The following ITPK1 variants were observed in gnomAD, a reference collection of about 807,000 sequenced individuals.
ITPK1 encodes inositol 1,3,4-trisphosphate 5/6-kinase.
ITPK1 carries 21 observed loss-of-function variants against 45.3 expected under a neutral mutation model. The observed-to-expected ratio is 0.46, with a 90% confidence interval of 0.33 to 0.67. ITPK1 has a LOEUF of 0.67. Among genes scored for constraint, ITPK1 ranks in the 30% least tolerant of loss-of-function variants. ITPK1 has a pLI of 0.02. For synonymous variants in ITPK1, 258 were observed against 253.6 expected (o/e 1.02, Z -0.16); for missense variants, 474 against 573.5 (o/e 0.83, Z 1.77).
At position 92,959,000 on chromosome 14, in the gene ITPK1, G is replaced by C. The variant is rs1884904240; in HGVS notation, c.505-634C>G. ...AGTGAGTGAGCCCGGGATGGAACTGGGTCTGCACAGCACCCAGCCGCGCCC... is the reference window on the plus strand; with the variant it reads ...AGTGAGTGAGCCCGGGATGGAACTGCGTCTGCACAGCACCCAGCCGCGCCC... On this transcript the variant is annotated intron_variant, in intron 7 of 10. Coordinates refer to ENST00000267615, the MANE Select transcript of ITPK1 (RefSeq NM_014216.6). This position sits in a 1 kb window ranked among gnomAD's most constrained non-coding sequence, Gnocchi z 4.4. Among the ~76,000 whole-genome samples the C allele has an allele frequency of 6.6e-6, 1 of 152,144 alleles. No individual in the cohort carries two copies. The highest frequency in any genetic ancestry group is 1.5e-5 in the Non-Finnish European group (1 of 68,028).
intron 2 of ITPK1, among the ~76,000 whole-genome samples, chr14:93,095,366 A>G (rs1892034188): frequency 6.6e-6 from 1 of 152,358 alleles, no homozygotes; most frequent in East Asian, 1.9e-4. Context: ...TATCCTACAG[A>G]CAAAGAAACA....
intron 10 of ITPK1, among the ~76,000 whole-genome samples, chr14:92,943,849 G>A (rs771316761): frequency 2.0e-5 from 3 of 152,208 alleles, no homozygotes; most frequent in African/African-American, 4.8e-5. Context: ...AGACTTAAAC[G>A]TTAGGTGGCT....
intron 5 of ITPK1, among the ~76,000 whole-genome samples, chr14:92,965,265 C>A (rs1350035112): frequency 1.3e-5 from 2 of 152,208 alleles, no homozygotes; most frequent in Admixed American, 1.3e-4. Flanking sequence ...AGGACAAAAA[C>A]CACATGATCA....
rs1887373044 is a variant in ITPK1, at chr14:92,941,243, T to C, written c.*318A>G. 7.5e-7 allele frequency: 1 copy of C among 1,336,448 alleles called. No individual in the cohort carries two copies. The highest frequency in any genetic ancestry group is 9.6e-7 in the Non-Finnish European group (1 of 1,041,602). The allele number at this position is 1,336,448 out of a possible 1,614,324, so 82.8% of individuals were successfully genotyped here. A position where few individuals can be genotyped will look rare whatever the true frequency, so the allele number is the denominator to read the frequency against. On this transcript the variant is annotated 3_prime_UTR_variant, in exon 11 of 11. Transcript: ENST00000267615. ...ACAGGGATGTGCACAGACACTGGCA[T>C]GGCAGCCATACGCACACCCCTCACC... is the stretch of plus-strand genomic sequence containing the variant.
intron 3 of ITPK1, among the ~76,000 whole-genome samples, chr14:93,041,696 G>A (rs190037327): frequency 6.6e-6 from 1 of 152,202 alleles, no homozygotes; most frequent in Non-Finnish European, 1.5e-5. Context: ...CCACCATGAC[G>A]AATGCTCCCT....
chr14:93,102,715 G>T (rs939796578), intron 2 of ITPK1, among the ~76,000 whole-genome samples: 1 of 152,148 alleles, frequency 6.6e-6, no homozygotes, highest in African/African-American at 2.4e-5. Flanking sequence ...CCAACACTTC[G>T]GGAGGCTGAG....
At chr14:92,997,335 T>C (rs1349975368) in intron 4 of ITPK1, among the ~76,000 whole-genome samples, 2 of 152,192 alleles carry the variant, frequency 1.3e-5, no homozygotes, top group Non-Finnish European at 2.9e-5. Context: ...CATTAAGACA[T>C]GAAGTTAAGC....
chr14:92,993,748 G>A, intron 5 of ITPK1, 132 bp downstream of exon 5: 1 of 651,476 alleles, frequency 1.5e-6, no homozygotes, highest in Non-Finnish European at 2.8e-6. Flanking sequence ...CTGCACCATG[G>A]AATTCAAATG....
In ITPK1 at chr14:93,066,430, G is replaced by A. The variant is rs562151709; in HGVS notation, c.120+10165C>T. On this transcript the variant is annotated intron_variant, in intron 3 of 10. Transcript: ENST00000267615. Reference sequence around the variant, plus strand: ...TTCTTTTTTTTTTTTTTTTTGAGACGGAGTCTTGCTCTGTCACAGGCTAGA... The same window carrying A: ...TTCTTTTTTTTTTTTTTTTTGAGACAGAGTCTTGCTCTGTCACAGGCTAGA... 1.1e-4 allele frequency: 39 copies of A among 346,236 alleles called. 1 individual carries two copies. The highest frequency in any genetic ancestry group is 7.3e-4 in the African/African-American group (32 of 43,668). The allele number at this position is 346,236 out of a possible 1,614,324, so 21.4% of individuals were successfully genotyped here. A position where few individuals can be genotyped will look rare whatever the true frequency, so the allele number is the denominator to read the frequency against.
Position 92,938,566 on chromosome 14 carries a change from C to T in ITPK1, c.*2995G>A. ...GAATGTTTTTCCCAGGTTGCTTTCT[C>T]CTTTATTGACAGGCATGAGACACAG... On this transcript the variant is annotated 3_prime_UTR_variant, in exon 11 of 11. Transcript: ENST00000267615. 1.3e-6 allele frequency: 2 copies of T among 1,553,854 alleles called. No individual in the cohort carries two copies. Among genetic ancestry groups the T allele is most frequent in the South Asian group, 1.1e-5 (1 of 89,226 alleles).
At chr14:93,049,993 T>C (rs543730643) in intron 3 of ITPK1, among the ~76,000 whole-genome samples, 1 of 151,984 alleles carries the variant, frequency 6.6e-6, no homozygotes, top group South Asian at 2.1e-4. Flanking sequence ...AGGCCTGCCA[T>C]GGGGGTGGGC....
intron 3 of ITPK1, among the ~76,000 whole-genome samples, chr14:93,064,479 C>G (rs996712073): frequency 2.0e-5 from 3 of 152,082 alleles, no homozygotes; most frequent in Non-Finnish European, 4.4e-5. Context: ...CCCAGGACAC[C>G]TGATCAAAGC....
At chr14:93,098,025 T>A (rs1217018979) in intron 2 of ITPK1, among the ~76,000 whole-genome samples, 1 of 150,864 alleles carries the variant, frequency 6.6e-6, no homozygotes, top group Non-Finnish European at 1.5e-5. Flanking sequence ...AAAAGAAAAT[T>A]AGCCAAGTGT....
At chr14:93,098,488 C>T (rs185251811) in intron 2 of ITPK1, among the ~76,000 whole-genome samples, 11 of 151,684 alleles carry the variant, frequency 7.3e-5, no homozygotes, top group Middle Eastern at 3.4e-3. Context: ...ATTAGCCGGG[C>T]GTGGTGGTGG....
At chr14:93,043,382 T>C (rs1422554823) in intron 3 of ITPK1, among the ~76,000 whole-genome samples, 3 of 152,348 alleles carry the variant, frequency 2.0e-5, no homozygotes, top group South Asian at 2.1e-4. Flanking sequence ...GACAGCACAG[T>C]AGAGACTGCA....
intron 5 of ITPK1, among the ~76,000 whole-genome samples, chr14:92,977,791 C>T (rs111574064): frequency 2.4e-4 from 36 of 151,994 alleles, no homozygotes; most frequent in African/African-American, 8.7e-4. Context: ...AACCGGGAGT[C>T]AACTAAAACT....
rs2139854861 is a variant in ITPK1, at chr14:93,016,162, T to C, written c.246+514A>G. On this transcript the variant is annotated intron_variant, in intron 4 of 10. Coordinates refer to ENST00000267615, the MANE Select transcript of ITPK1 (RefSeq NM_014216.6). The surrounding 1 kb of genome is among the most constrained non-coding windows in gnomAD (Gnocchi z 5.0). The stretch of plus-strand genomic sequence containing the variant: ...CTGGGAGGCCGCTGGGGAAGTGGTG[T>C]GGGGAGAGGGAAGCAGCCAAGGGAC... Among the ~76,000 whole-genome samples the C allele has an allele frequency of 6.6e-6, 1 of 151,942 alleles. No homozygotes were observed. The highest frequency in any genetic ancestry group is 2.1e-4 in the South Asian group (1 of 4,802).
intron 4 of ITPK1, among the ~76,000 whole-genome samples, chr14:93,004,915 T>A (rs1165527302): frequency 3.3e-5 from 5 of 150,014 alleles, no homozygotes; most frequent in Non-Finnish European, 4.4e-5. Flanking sequence ...AGGTCTGGGG[T>A]GAGGGAGTCC....
At chr14:93,011,019 A>G (rs941615103) in intron 4 of ITPK1, among the ~76,000 whole-genome samples, 3 of 152,220 alleles carry the variant, frequency 2.0e-5, no homozygotes, top group African/African-American at 7.2e-5. Flanking sequence ...GGGAATCGCA[A>G]ATTTTAATTA....
Sources: allele counts gnomAD v4.1 joint callset (sites outside exome capture counted in the v4.1 genomes callset), GRCh38; gene constraint gnomAD v4.1.1; non-coding constraint Gnocchi (gnomAD v3.1); transcripts MANE v1.5; gene names NCBI Gene and HGNC (gene_info 2026-07-23, HGNC 2026-07-21).